The following CNTNAP5 variants were observed in gnomAD, a reference collection of about 807,000 sequenced individuals.
The protein encoded by CNTNAP5 is contactin associated protein family member 5, also known as contactin-associated protein-like 5.
In CNTNAP5, 72 loss-of-function variants were observed where a neutral mutation model predicts 150.2. The observed-to-expected ratio is 0.48, with a 90% CI of 0.40 to 0.58. CNTNAP5 has a LOEUF of 0.58. CNTNAP5 is among the 20% of genes least tolerant of loss of function. The pLI is 0.00. For missense variants in CNTNAP5, 1,636 were observed against 1,626.2 expected, an observed-to-expected ratio of 1.01 and a Z score of -0.10; for synonymous variants, 672 against 619.8, an observed-to-expected ratio of 1.08 and a Z score of -1.25.
At chr2:124,805,566 A>C (rs1413255705) in intron 19 of CNTNAP5, among the ~76,000 whole-genome samples, 1 of 152,136 alleles carries the variant, frequency 6.6e-6, no homozygotes, top group Non-Finnish European at 1.5e-5. Flanking sequence ...GTCCTCTAAG[A>C]CCCTCAGAAA....
intron 19 of CNTNAP5, among the ~76,000 whole-genome samples, chr2:124,849,981 T>G (rs1192154455): frequency 6.6e-6 from 1 of 152,198 alleles, no homozygotes; most frequent in African/African-American, 2.4e-5. Context: ...AGGGAAGAAC[T>G]GTGTGAAATG....
intron 1 of CNTNAP5, among the ~76,000 whole-genome samples, chr2:124,202,198 T>G (rs1023948810): frequency 6.6e-6 from 1 of 152,204 alleles, no homozygotes; most frequent in African/African-American, 2.4e-5. Context: ...AAGAATGTAC[T>G]CTATCATTTT....
At chr2:124,448,990 G>A (rs1019368895) in intron 6 of CNTNAP5, among the ~76,000 whole-genome samples, 6 of 152,340 alleles carry the variant, frequency 3.9e-5, no homozygotes, top group African/African-American at 1.4e-4. Flanking sequence ...CAGCCTGCTA[G>A]CAGACAACTT....
chr2:124,647,879 G>A lies in CNTNAP5; in HGVS notation c.1998G>A (p.Glu666=), dbSNP rs1344260135. The change falls in exon 13 of 24, where the codon GAG becomes GAA. Residue 666 remains glutamate, a synonymous_variant. Coordinates refer to ENST00000682447, the MANE Select transcript of CNTNAP5 (RefSeq NM_001367498.1). ...LDYGGSMEQL[E]AVIDGSEHCE... is the part of the protein sequence containing the mutation. ...ACGGGGGCAGCATGGAACAGCTGGAGGCCGTGATCGACGGCTCTGAGCACT... is the reference window on the plus strand; with the variant it reads ...ACGGGGGCAGCATGGAACAGCTGGAAGCCGTGATCGACGGCTCTGAGCACT... 6.2e-7 allele frequency: 1 copy of A among 1,612,920 alleles called. No individual in the cohort carries two copies. The highest frequency in any genetic ancestry group is 2.2e-5 in the East Asian group (1 of 44,808).
chr2:124,256,797 T>A (rs1434414420), intron 3 of CNTNAP5, among the ~76,000 whole-genome samples: 3 of 152,208 alleles, frequency 2.0e-5, no homozygotes, highest in African/African-American at 7.2e-5. Context: ...GTTTTAAACT[T>A]GTGCACAAAT....
intron 1 of CNTNAP5, among the ~76,000 whole-genome samples, chr2:124,191,767 T>C (rs1361989935): frequency 6.6e-6 from 1 of 151,978 alleles, no homozygotes; most frequent in East Asian, 1.9e-4. Context: ...ATACAAAAAT[T>C]AGCTGGGCAT....
intron 7 of CNTNAP5, among the ~76,000 whole-genome samples, chr2:124,480,629 C>A (rs960930242): frequency 1.3e-5 from 2 of 152,166 alleles, no homozygotes; most frequent in Non-Finnish European, 2.9e-5. Flanking sequence ...TCTAGTAAAG[C>A]CTATAATCTC....
intron 17 of CNTNAP5, among the ~76,000 whole-genome samples, chr2:124,786,374 AGAAAGAAAGAAAGAAAGAAAGAAAGAAG>A (rs1681576173): frequency 2.5e-5 from 2 of 79,184 alleles, no homozygotes; most frequent in African/African-American, 1.2e-4. Flanking sequence ...AAAGAAAGAA[AGAAAGAAAGAAAGAAAGAAAGAAAGAAG>A]GAAGGAAGGA....
At chr2:124,223,120 G>C (rs1686367778) in intron 2 of CNTNAP5, among the ~76,000 whole-genome samples, 2 of 152,030 alleles carry the variant, frequency 1.3e-5, no homozygotes, top group South Asian at 4.1e-4. Flanking sequence ...TTACCTTCAG[G>C]TAGGGTTCCT....
Position 124,917,173 on chromosome 2 carries a change from A to G in CNTNAP5, c.*2885A>G, listed in dbSNP as rs899346637. Among the ~76,000 whole-genome samples, 2 of 151,992 alleles carry G rather than the reference A, an allele frequency of 1.3e-5. No homozygotes were observed. The highest frequency in any genetic ancestry group is 2.1e-4 in the South Asian group (1 of 4,826). ...GTTTCCCAACTACATGCTCTGGCCA[A>G]CTGGGCCACCATGATCTCTTCCACT... is the stretch of plus-strand genomic sequence containing the variant. On this transcript the variant is annotated 3_prime_UTR_variant, in exon 24 of 24. Transcript: ENST00000682447.
At chr2:124,576,622 G>C (rs1273286130) in intron 11 of CNTNAP5, among the ~76,000 whole-genome samples, 1 of 152,110 alleles carries the variant, frequency 6.6e-6, no homozygotes, top group Non-Finnish European at 1.5e-5. Flanking sequence ...ATTTGGTTTT[G>C]TGTTTAATGG....
At chr2:124,455,257 G>A (rs1232024960) in intron 6 of CNTNAP5, among the ~76,000 whole-genome samples, 1 of 151,886 alleles carries the variant, frequency 6.6e-6, no homozygotes, top group Non-Finnish European at 1.5e-5. Context: ...GATCATTAAA[G>A]ACTATTATAA....
intron 13 of CNTNAP5, among the ~76,000 whole-genome samples, chr2:124,703,543 G>T (rs535881956): frequency 1.3e-5 from 2 of 152,244 alleles, no homozygotes; most frequent in South Asian, 4.1e-4. Flanking sequence ...CCTAGATGCT[G>T]CCTAGCTTTG....
intron 1 of CNTNAP5, among the ~76,000 whole-genome samples, chr2:124,187,867 A>C (rs1685369818): frequency 6.6e-6 from 1 of 152,220 alleles, no homozygotes; most frequent in Non-Finnish European, 1.5e-5. Flanking sequence ...TTAAATGCAA[A>C]TAATGCAGAA....
intron 1 of CNTNAP5, among the ~76,000 whole-genome samples, chr2:124,189,463 C>T (rs1685410319): frequency 6.6e-6 from 1 of 152,132 alleles, no homozygotes; most frequent in Non-Finnish European, 1.5e-5. Context: ...GGAGAGGTTC[C>T]AGACTACTCT....
intron 13 of CNTNAP5, among the ~76,000 whole-genome samples, chr2:124,663,087 T>C (rs976075442): frequency 1.3e-5 from 2 of 152,290 alleles, no homozygotes. Flanking sequence ...TGTAGGTTAT[T>C]ACCAAGGAAC....
At chr2:124,662,015 C>T (rs916857411) in intron 13 of CNTNAP5, among the ~76,000 whole-genome samples, 4 of 152,076 alleles carry the variant, frequency 2.6e-5, no homozygotes, top group East Asian at 1.9e-4. Context: ...TCCCACCCCC[C>T]GATAGGCCTC....
intron 19 of CNTNAP5, among the ~76,000 whole-genome samples, chr2:124,815,255 A>T (rs903738677): frequency 5.9e-5 from 9 of 152,236 alleles, no homozygotes; most frequent in Non-Finnish European, 1.0e-4. Flanking sequence ...AGGAATAAGC[A>T]CTGGTTTCAT....
rs1314833235 is a variant in CNTNAP5 at position 124,643,977 on chromosome 2, T to G, written c.1877-3781T>G. 2.6e-5 allele frequency among the ~76,000 whole-genome samples: 4 copies of G among 152,224 alleles called. 1 individual carries two copies. Among genetic ancestry groups the G allele is most frequent in the African/African-American group, 9.6e-5 (4 of 41,466 alleles). On this transcript the variant is annotated intron_variant, in intron 12 of 23. Transcript: ENST00000682447. ...ATCAGGGTTGCTCCCACAGTTAGTG[T>G]TGTGCTGGCACACAAACCCAGATTT...
Sources: allele counts gnomAD v4.1 joint callset (sites outside exome capture counted in the v4.1 genomes callset), GRCh38; gene constraint gnomAD v4.1.1; transcripts MANE v1.5; gene names NCBI Gene and HGNC (gene_info 2026-07-23, HGNC 2026-07-21).